The following CYFIP1 variants were observed in gnomAD, a reference collection of about 807,000 sequenced individuals.
The protein encoded by CYFIP1 is cytoplasmic FMR1-interacting protein 1.
CYFIP1 carries 58 observed loss-of-function variants against 163.5 expected under a neutral mutation model. The ratio of observed to expected loss-of-function variants is 0.35; its 90% CI spans 0.29 to 0.44. CYFIP1 has a LOEUF of 0.44. CYFIP1 is among the 20% of genes least tolerant of loss of function. The pLI is 1.00. For synonymous variants in CYFIP1, 663 were observed against 660.7 expected, an observed-to-expected ratio of 1.00 and a Z score of -0.05; for missense variants, 1,338 against 1,653.8, an observed-to-expected ratio of 0.81 and a Z score of 3.31.
intron 15 of CYFIP1, chr15:22,916,912 A>T (rs1207042531): frequency 1.3e-6 from 2 of 1,551,764 alleles, no homozygotes. Context: ...AGGTAGGTGC[A>T]CGACTGCCTC....
intron 25 of CYFIP1, among the ~76,000 whole-genome samples, chr15:22,881,410 G>A (rs1005341135): frequency 3.9e-5 from 6 of 152,230 alleles, no homozygotes; most frequent in South Asian, 4.1e-4. Flanking sequence ...AGCAAGTCAC[G>A]TGGGCCTGTC....
At chr15:22,908,518 C>CTTTTTTTTTTTTTTTTTTTT (rs58565266) in intron 21 of CYFIP1, among the ~76,000 whole-genome samples, 5 of 75,480 alleles carry the variant, frequency 6.6e-5, no homozygotes, top group African/African-American at 3.0e-4. Flanking sequence ...GAAGATATTT[C>CTTTTTTTTTTTTTTTTTTTT]TTTTTTTTTT....
intron 22 of CYFIP1, among the ~76,000 whole-genome samples, chr15:22,899,297 G>A (rs2060325482): frequency 6.6e-6 from 1 of 152,074 alleles, no homozygotes; most frequent in Non-Finnish European, 1.5e-5. Context: ...AAATGGAATT[G>A]GAAATATCAG....
Position 22,872,777 on chromosome 15 carries a change from T to C in CYFIP1, c.3597+48A>G, listed in dbSNP as rs375535442. The stretch of plus-strand genomic sequence containing the variant: ...AAGAACTTATAACACAAAGAAAGTA[T>C]GCTTTTGCAAAAGGTCCATAGATGG... On this transcript the variant is annotated intron_variant, in intron 30 of 30. Transcript: ENST00000617928. 3.1e-4 allele frequency: 492 copies of C among 1,583,004 alleles called. 1 individual carries two copies. The highest frequency in any genetic ancestry group is 4.0e-4 in the Non-Finnish European group (461 of 1,153,862).
intron 21 of CYFIP1, among the ~76,000 whole-genome samples, chr15:22,908,588 G>A (rs1367373692): frequency 1.5e-5 from 2 of 134,792 alleles, no homozygotes; most frequent in Admixed American, 8.6e-5. Flanking sequence ...GGAGTGCAGT[G>A]GCGCGATCTG....
At position 22,910,737 on chromosome 15, in the gene CYFIP1, C is replaced by A. The variant is rs1167470976; in HGVS notation, c.2159G>T (p.Ser720Ile). Residue 720 changes from serine (S) to isoleucine (I), a missense_variant and splice_region_variant, in exon 19 of 31, where the codon AGT (serine) becomes ATT (isoleucine). Around this residue, in one of 4 missense-constraint regions of CYFIP1, gnomAD observed 824 missense variants for 995.7 expected, o/e 0.83. Coordinates refer to ENST00000617928, the MANE Select transcript of CYFIP1 (RefSeq NM_014608.6). ...IFAYYKVMAG[S>I]LLLDKRLRSE... ...TCAAAATCACACACCAGATACTCAC[C>A]TTCCTGCCATAACCTTATAATAGGC... 1 of 1,613,290 alleles carries A rather than the reference C, an allele frequency of 6.2e-7. No homozygotes were observed. Among genetic ancestry groups the A allele is most frequent in the Non-Finnish European group, 8.5e-7 (1 of 1,179,220 alleles).
chr15:22,893,507 G>C (rs1364021080), intron 22 of CYFIP1, among the ~76,000 whole-genome samples: 1 of 152,190 alleles, frequency 6.6e-6, no homozygotes, highest in Non-Finnish European at 1.5e-5. Flanking sequence ...TTTCAAATTG[G>C]AAGGGTTCGT....
chr15:22,870,328 G>GA, intron 30 of CYFIP1, 136 bp from the exon 31 acceptor site: 1 of 1,018,468 alleles, frequency 9.8e-7, no homozygotes. Flanking sequence ...GTTCTTTTTG[G>GA]GTTTTTTTTT....
At chr15:22,887,301 C>CACCCA (rs943729134) in intron 23 of CYFIP1, among the ~76,000 whole-genome samples, 5 of 152,322 alleles carry the variant, frequency 3.3e-5, no homozygotes, top group African/African-American at 1.2e-4. Context: ...ACAGAAACCC[C>CACCCA]ACCCAGTGTC....
In CYFIP1 at chr15:22,931,686, G is replaced by GAAAAAAAA. The variant is rs766177290; in HGVS notation, c.1110+529_1110+536dup. Among the ~76,000 whole-genome samples, 321 of 39,710 alleles carry GAAAAAAAA rather than the reference G, an allele frequency of 8.1e-3. 37 individuals carry two copies. The highest frequency in any genetic ancestry group is 0.028 in the African/African-American group (303 of 10,796). 26.1% of individuals were successfully genotyped at this position (39,710 alleles called of 152,430 possible). On this transcript the variant is annotated intron_variant, in intron 11 of 30. Transcript: ENST00000617928. ...CTTGGGATCCCTATAATGTTTTTCT[G>GAAAAAAAA]AAAAAAAAAAAAAAAAAAAAAAAAG...
In CYFIP1 at chr15:22,882,879, C is replaced by T. The variant is rs780921236; in HGVS notation, c.2809G>A (p.Val937Ile). The T allele has an allele frequency of 1.4e-5, 22 of 1,613,044 alleles. No homozygotes were observed. The highest frequency in any genetic ancestry group is 1.2e-4 in the South Asian group (11 of 91,034). The change falls in exon 24 of 31, where the codon GTC becomes ATC. Residue 937 changes from valine to isoleucine, a missense_variant. Val to Ile is a conservative substitution (Grantham distance 29). This residue lies in a region of CYFIP1 where 824 missense variants were observed against 995.7 expected (regional missense o/e 0.83). Coordinates refer to ENST00000617928, the MANE Select transcript of CYFIP1 (RefSeq NM_014608.6). The stretch of plus-strand genomic sequence containing the variant: ...CAGGGAACACTCACCAGGCTCTTGA[C>T]GACCTTCAGCAGCTCCTCCATGACC... Reference protein sequence around the residue: ...AVVMEELLKVVKSLLQGTILQ... With the variant: ...AVVMEELLKVIKSLLQGTILQ...
intron 1 of CYFIP1, among the ~76,000 whole-genome samples, chr15:22,949,335 G>A (rs1036944963): frequency 6.6e-6 from 1 of 151,572 alleles, no homozygotes; most frequent in Non-Finnish European, 1.5e-5. Context: ...GCGGGGAGGT[G>A]CCAACTTGGG....
intron 21 of CYFIP1, among the ~76,000 whole-genome samples, chr15:22,905,829 G>A (rs1457814153): frequency 3.3e-5 from 5 of 150,382 alleles, no homozygotes; most frequent in South Asian, 4.2e-4. Flanking sequence ...GAACGATCTC[G>A]GCTCACTGCA....
chr15:22,951,431 G>C, intron 1 of CYFIP1: 1 of 1,289,520 alleles, frequency 7.8e-7, no homozygotes, highest in Non-Finnish European at 1.0e-6. Flanking sequence ...GAGCCAGCAT[G>C]GGGGGCCTGC....
chr15:22,898,480 A>G (rs895425234), intron 22 of CYFIP1, among the ~76,000 whole-genome samples: 3 of 152,310 alleles, frequency 2.0e-5, no homozygotes, highest in South Asian at 2.1e-4. Context: ...TAAAAATTTG[A>G]TAACAAATAT....
chr15:22,928,367 A>G (rs2061424721), intron 11 of CYFIP1, among the ~76,000 whole-genome samples: 1 of 152,086 alleles, frequency 6.6e-6, no homozygotes, highest in African/African-American at 2.4e-5. Context: ...TGGGCGACAG[A>G]GCGAGACTCC....
intron 1 of CYFIP1, chr15:22,948,123 C>G (rs974781234): frequency 1.6e-5 from 5 of 316,776 alleles, no homozygotes; most frequent in Non-Finnish European, 2.3e-5. Context: ...CATGGAGGTG[C>G]ACAGTGGAAC....
chr15:22,896,884 G>T lies in CYFIP1; in HGVS notation c.2589-3907C>A, dbSNP rs912993603. Among the ~76,000 whole-genome samples the T allele has an allele frequency of 5.3e-5, 8 of 152,230 alleles. No homozygotes were observed. In the East Asian group the frequency reaches 5.8e-4, roughly 11 times the overall value. On this transcript the variant is annotated intron_variant, in intron 22 of 30. Coordinates refer to ENST00000617928, the MANE Select transcript of CYFIP1 (RefSeq NM_014608.6). ...TGGGCACTGGGCATTTCAGTGCCAT[G>T]TTGCATGTCTTGACTTTGTTACTGT...
intron 22 of CYFIP1, among the ~76,000 whole-genome samples, chr15:22,901,750 T>C (rs2060400943): frequency 6.6e-6 from 1 of 152,222 alleles, no homozygotes; most frequent in South Asian, 2.1e-4. Flanking sequence ...CCCTCAGGCA[T>C]GGGACTAAAA....
Sources: gnomAD v4.1 joint callset for allele counts (sites outside exome capture counted in the v4.1 genomes callset) on GRCh38, gnomAD v4.1.1 for gene constraint, gnomAD v4.1.1 regional missense constraint, MANE v1.5 for transcripts, NCBI Gene and HGNC (gene_info 2026-07-23, HGNC 2026-07-21) for gene names.